EVI5: variants seen among roughly 807,000 people sequenced by gnomAD.
EVI5 encodes ecotropic viral integration site 5.
A neutral mutation model predicts 112.0 loss-of-function variants in EVI5; 73 were observed. That is an observed-to-expected ratio of 0.65 (90% CI 0.54 to 0.79). The LOEUF is 0.79. EVI5 is among the 30% of genes least tolerant of loss of function. The pLI, the probability that EVI5 is intolerant of heterozygous loss-of-function variation, is 0.00. For missense variants in EVI5, 900 were observed against 968.8 expected (o/e 0.93, Z 0.94); for synonymous variants, 305 against 319.9 (o/e 0.95, Z 0.50).
At chr1:92,547,148 G>C (rs560293339) in intron 19 of EVI5, among the ~76,000 whole-genome samples, 2 of 152,254 alleles carry the variant, frequency 1.3e-5, no homozygotes, top group Admixed American at 1.3e-4. Flanking sequence ...AACAAACTGT[G>C]TCTCAGACCA....
At chr1:92,694,431 C>T in intron 7 of EVI5, 43 bp from the exon 8 acceptor site, 1 of 1,150,138 alleles carries the variant, frequency 8.7e-7, no homozygotes, top group Non-Finnish European at 1.3e-6. Flanking sequence ...TGTTACTCTT[C>T]CATCAACAAA....
At chr1:92,774,306 C>T (rs1410016498) in intron 1 of EVI5, among the ~76,000 whole-genome samples, 1 of 152,106 alleles carries the variant, frequency 6.6e-6, no homozygotes, top group African/African-American at 2.4e-5. Context: ...TCATGTATTT[C>T]ATTCAAATAT....
chr1:92,597,537 T>C (rs568032528), intron 18 of EVI5, among the ~76,000 whole-genome samples: 1 of 152,302 alleles, frequency 6.6e-6, no homozygotes, highest in African/African-American at 2.4e-5. Flanking sequence ...CTGAATTCAT[T>C]TTCTCCTTCC....
intron 14 of EVI5, among the ~76,000 whole-genome samples, chr1:92,626,724 C>T (rs558477522): frequency 3.9e-4 from 59 of 152,174 alleles, no homozygotes; most frequent in Middle Eastern, 3.4e-3. Context: ...ATCAGAGTTA[C>T]GGAGCAACAG....
Position 92,715,143 on chromosome 1 carries a change from C to A in EVI5, c.150-10399G>T, listed in dbSNP as rs184363350. Among the ~76,000 whole-genome samples the A allele has an allele frequency of 2.6e-3, 402 of 152,122 alleles. 4 individuals carry two copies. Among genetic ancestry groups the A allele is most frequent in the Non-Finnish European group, 4.5e-3 (303 of 67,994 alleles). On this transcript the variant is annotated intron_variant, in intron 2 of 19. Transcript: ENST00000684568. ...GTCTCAGCCTTCCAAGTAGCTGGGA[C>A]TACAGGTGCCTGCCACCATGTCCAG...
rs545215462 is a variant in EVI5 at position 92,721,070 on chromosome 1, C to T, written c.149+15328G>A. Among the ~76,000 whole-genome samples the T allele has an allele frequency of 3.3e-5, 5 of 152,276 alleles. No homozygotes were observed. In the South Asian group the frequency reaches 8.3e-4, roughly 25 times the overall value. On this transcript the variant is annotated intron_variant, in intron 2 of 19. Coordinates refer to ENST00000684568, the MANE Select transcript of EVI5 (RefSeq NM_001350197.2). ...GTGGAGAAATAGGAATGCTTTTACACTGTTGGTGGGAGTGTAAATTAGTTC... is the reference window on the plus strand; with the variant it reads ...GTGGAGAAATAGGAATGCTTTTACATTGTTGGTGGGAGTGTAAATTAGTTC...
intron 19 of EVI5, among the ~76,000 whole-genome samples, chr1:92,550,222 T>C (rs145988087): frequency 0.012 from 1,757 of 151,778 alleles, 42 homozygotes; most frequent in African/African-American, 0.04. Context: ...CTGGAAACCA[T>C]CATTCTGAGC....
chr1:92,715,655 G>C (rs1184698946), intron 2 of EVI5, among the ~76,000 whole-genome samples: 1 of 152,158 alleles, frequency 6.6e-6, no homozygotes, highest in Non-Finnish European at 1.5e-5. Context: ...GCAGGGCGGG[G>C]CGTCACCTCA....
chr1:92,764,973 G>A (rs1357946988), intron 1 of EVI5, among the ~76,000 whole-genome samples: 3 of 152,022 alleles, frequency 2.0e-5, no homozygotes, highest in Non-Finnish European at 2.9e-5. Context: ...GACCTTTTCT[G>A]CTACTAGGCC....
intron 9 of EVI5, among the ~76,000 whole-genome samples, chr1:92,689,942 T>C (rs1388889878): frequency 6.6e-6 from 1 of 152,162 alleles, no homozygotes; most frequent in Non-Finnish European, 1.5e-5. Context: ...CAGGCTGGAG[T>C]GCAGTGCTGT....
At chr1:92,768,147 GA>G (rs11352389) in intron 1 of EVI5, among the ~76,000 whole-genome samples, 134,525 of 149,476 alleles carry the variant, frequency 0.9, 60,629 homozygotes, top group East Asian at 0.97. Flanking sequence ...AATATAACAG[GA>G]AAAAAAAAAT....
chr1:92,746,448 G>A (rs958238784), intron 1 of EVI5, among the ~76,000 whole-genome samples: 1 of 152,168 alleles, frequency 6.6e-6, no homozygotes, highest in African/African-American at 2.4e-5. Flanking sequence ...TGTACTGGCT[G>A]GGCACAGTGG....
intron 18 of EVI5, among the ~76,000 whole-genome samples, chr1:92,603,399 T>C (rs754734491): frequency 1.1e-4 from 16 of 152,172 alleles, no homozygotes; most frequent in Non-Finnish European, 1.6e-4. Flanking sequence ...TACACCTGTA[T>C]TCATAGCAGC....
chr1:92,587,315 GA>G (rs1337085159), intron 18 of EVI5, among the ~76,000 whole-genome samples: 1 of 132,548 alleles, frequency 7.5e-6, no homozygotes, highest in Non-Finnish European at 1.6e-5. Context: ...ATGCCTTAAA[GA>G]AAAATGAAAA....
intron 16 of EVI5, chr1:92,622,256 T>C: frequency 2.4e-6 from 1 of 414,836 alleles, no homozygotes; most frequent in Non-Finnish European, 4.8e-6. Flanking sequence ...TGTACCTCAG[T>C]AGAAGTGGCT....
chr1:92,720,176 T>C (rs1329160662), intron 2 of EVI5, among the ~76,000 whole-genome samples: 1 of 152,058 alleles, frequency 6.6e-6, no homozygotes, highest in Non-Finnish European at 1.5e-5. Flanking sequence ...AAAAAACTAC[T>C]TTAAAGTTCA....
intron 9 of EVI5, among the ~76,000 whole-genome samples, chr1:92,691,898 G>T (rs925550127): frequency 6.6e-6 from 1 of 152,180 alleles, no homozygotes; most frequent in Non-Finnish European, 1.5e-5. Context: ...TAGCAAAAAG[G>T]GGATGGGAGT....
In EVI5 at chr1:92,513,437, C is replaced by T. The variant is rs200244179; in HGVS notation, c.*219G>A. On this transcript the variant is annotated 3_prime_UTR_variant, in exon 20 of 20. Transcript: ENST00000684568. The stretch of plus-strand genomic sequence containing the variant: ...CCTTGTTTTACACATTAACCATATA[C>T]CAGTCTACTTTATGGCAATGGTAAA... 7 of 187,006 alleles carry T rather than the reference C, an allele frequency of 3.7e-5. No individual in the cohort carries two copies. Among genetic ancestry groups the T allele is most frequent in the Non-Finnish European group, 6.5e-5 (6 of 92,522 alleles). 11.6% of individuals were successfully genotyped at this position (187,006 alleles called of 1,614,324 possible).
intron 13 of EVI5, among the ~76,000 whole-genome samples, chr1:92,643,828 T>C (rs1660452368): frequency 1.3e-5 from 2 of 152,312 alleles, no homozygotes; most frequent in South Asian, 4.1e-4. Flanking sequence ...CTATTAAGAA[T>C]TATATGACAT....
Sources: allele counts gnomAD v4.1 joint callset (sites outside exome capture counted in the v4.1 genomes callset), GRCh38; gene constraint gnomAD v4.1.1; transcripts MANE v1.5; gene names NCBI Gene and HGNC (gene_info 2026-07-23, HGNC 2026-07-21).